Variants in CAMK1D observed in about 807,000 individuals in gnomAD.
The protein encoded by CAMK1D is calcium/calmodulin dependent protein kinase ID, also known as calcium/calmodulin-dependent protein kinase type 1D.
Under a neutral mutation model 47.7 loss-of-function variants are expected in CAMK1D, and 9 were observed. The ratio of observed to expected loss-of-function variants is 0.19; its 90% confidence interval spans 0.11 to 0.33. The LOEUF is 0.33. Among genes scored for constraint, CAMK1D ranks in the 10% least tolerant of loss-of-function variants. The pLI, the probability that CAMK1D is intolerant of heterozygous loss-of-function variation, is 1.00. For missense variants in CAMK1D, 291 were observed against 488.7 expected, an observed-to-expected ratio of 0.60 and a Z score of 3.81; for synonymous variants, 184 against 184.9, an observed-to-expected ratio of 0.99 and a Z score of 0.04.
chr10:12,585,510 G>A (rs1024089346), intron 2 of CAMK1D, among the ~76,000 whole-genome samples: 1 of 152,154 alleles, frequency 6.6e-6, no homozygotes, highest in East Asian at 1.9e-4. Context: ...AATTTATAAA[G>A]AAAAAGAGGT....
chr10:12,822,190 T>G (rs1419963791), intron 8 of CAMK1D, among the ~76,000 whole-genome samples: 2 of 152,192 alleles, frequency 1.3e-5, no homozygotes, highest in Non-Finnish European at 2.9e-5. Context: ...TGTCCGGATG[T>G]TACTATTGCA....
At chr10:12,402,456 T>A (rs1290066293) in intron 1 of CAMK1D, among the ~76,000 whole-genome samples, 1 of 152,210 alleles carries the variant, frequency 6.6e-6, no homozygotes, top group Admixed American at 6.5e-5. Context: ...AGTCTCAAAC[T>A]CCTGCTCTCA....
At chr10:12,570,609 G>A (rs58835623) in intron 2 of CAMK1D, among the ~76,000 whole-genome samples, 6,739 of 151,148 alleles carry the variant, frequency 0.045, 233 homozygotes, top group East Asian at 0.14. Flanking sequence ...GAACCCAGGA[G>A]GCAGAGGTTG....
intron 3 of CAMK1D, among the ~76,000 whole-genome samples, chr10:12,706,835 G>A (rs749347781): frequency 6.6e-6 from 1 of 152,048 alleles, no homozygotes; most frequent in Non-Finnish European, 1.5e-5. Context: ...CATCTGCTTT[G>A]TGCTGTGCTC....
chr10:12,737,821 A>G (rs376644487), intron 3 of CAMK1D, among the ~76,000 whole-genome samples: 2 of 152,360 alleles, frequency 1.3e-5, no homozygotes, highest in African/African-American at 4.8e-5. Flanking sequence ...TGCCTGTTGT[A>G]GCACCTAAAA....
chr10:12,695,539 G>A (rs1372982827), intron 3 of CAMK1D, among the ~76,000 whole-genome samples: 1 of 152,136 alleles, frequency 6.6e-6, no homozygotes, highest in Admixed American at 6.5e-5. Context: ...GGTCTCACGT[G>A]GTTAAGCATT....
At chr10:12,462,609 T>C (rs1347037830) in intron 1 of CAMK1D, among the ~76,000 whole-genome samples, 1 of 152,226 alleles carries the variant, frequency 6.6e-6, no homozygotes, top group Non-Finnish European at 1.5e-5. Context: ...TGTATATTGC[T>C]GTTAGCATGC....
At chr10:12,555,070 T>C (rs1836718617) in intron 2 of CAMK1D, among the ~76,000 whole-genome samples, 1 of 152,338 alleles carries the variant, frequency 6.6e-6, no homozygotes, top group Middle Eastern at 3.4e-3. Flanking sequence ...ATGTTGGAAA[T>C]ATCCTTGAAA....
chr10:12,537,590 G>A (rs1254062471), intron 1 of CAMK1D, among the ~76,000 whole-genome samples: 1 of 152,152 alleles, frequency 6.6e-6, no homozygotes, highest in Non-Finnish European at 1.5e-5. Flanking sequence ...ATGCTCGTTG[G>A]CCATTCTGTG....
At chr10:12,608,523 A>G (rs1393502260) in intron 2 of CAMK1D, among the ~76,000 whole-genome samples, 1 of 152,218 alleles carries the variant, frequency 6.6e-6, no homozygotes, top group East Asian at 1.9e-4. Context: ...TCCATGATGC[A>G]TTAATATTTG....
At chr10:12,698,893 G>A (rs1183250089) in intron 3 of CAMK1D, among the ~76,000 whole-genome samples, 1 of 151,852 alleles carries the variant, frequency 6.6e-6, no homozygotes, top group Non-Finnish European at 1.5e-5. Flanking sequence ...GGATGGTCTC[G>A]AGCTCTTGAC....
rs1554831760 is a variant in CAMK1D, at chr10:12,827,334, T to TTCCTTCCTTC, written c.1040-1435_1040-1434insTCCTTCCTTC. On this transcript the variant is annotated intron_variant, in intron 10 of 10. Coordinates refer to ENST00000619168, the MANE Select transcript of CAMK1D (RefSeq NM_153498.4). ...TTCTTTTCTTTCTTTCTCTCTCTTC[T>TTCCTTCCTTC]CTTCCTTCCTTCCTTCTTCCTTTCT... 4.1e-5 allele frequency among the ~76,000 whole-genome samples: 5 copies of TTCCTTCCTTC among 122,782 alleles called. No individual in the cohort carries two copies. The East Asian group carries it at 1.2e-3, about 30-fold the overall frequency. The allele number at this position is 122,782 out of a possible 152,430, so 80.5% of individuals were successfully genotyped here. A position where few individuals can be genotyped will look rare whatever the true frequency, so the allele number is the denominator to read the frequency against.
intron 1 of CAMK1D, among the ~76,000 whole-genome samples, chr10:12,457,779 CAAAAAA>C (rs5783269): frequency 1.4e-5 from 1 of 71,126 alleles, no homozygotes. Context: ...GACTCTGTCT[CAAAAAA>C]AAAAAAAAAA....
intron 1 of CAMK1D, among the ~76,000 whole-genome samples, chr10:12,475,541 G>A (rs765244743): frequency 4.6e-5 from 7 of 152,114 alleles, no homozygotes; most frequent in Admixed American, 2.0e-4. Flanking sequence ...ATGGGTACCC[G>A]GGTTGCTTCT....
chr10:12,540,010 C>T (rs1275900342), intron 1 of CAMK1D, among the ~76,000 whole-genome samples: 2 of 152,080 alleles, frequency 1.3e-5, no homozygotes, highest in Non-Finnish European at 2.9e-5. Flanking sequence ...AACTCCTGGG[C>T]TCAGGCGATC....
rs552936388 is a variant in CAMK1D, at chr10:12,382,132, C to A, written c.92+32222C>A. On this transcript the variant is annotated intron_variant, in intron 1 of 10. Transcript: ENST00000619168. ...TCAAGTATGTCATTTTGCTTAAAGTCAATTTCCAAGAACTGACTGGACATT... is the reference window on the plus strand; with the variant it reads ...TCAAGTATGTCATTTTGCTTAAAGTAAATTTCCAAGAACTGACTGGACATT... Among the ~76,000 whole-genome samples the A allele has an allele frequency of 3.3e-5, 5 of 152,258 alleles. No homozygotes were observed. The South Asian group carries it at 1.0e-3, about 32-fold the overall frequency.
chr10:12,751,729 C>G (rs984022792), intron 3 of CAMK1D, among the ~76,000 whole-genome samples: 1 of 152,112 alleles, frequency 6.6e-6, no homozygotes, highest in Non-Finnish European at 1.5e-5. Context: ...GCGATGAGTA[C>G]GGGTAGAAAG....
chr10:12,520,921 AGG>A (rs1564387846), intron 1 of CAMK1D, among the ~76,000 whole-genome samples: 7 of 17,968 alleles, frequency 3.9e-4, no homozygotes, highest in South Asian at 5.0e-3. Context: ...AGACCGTGGA[AGG>A]AGACCGTGGG....
intron 1 of CAMK1D, among the ~76,000 whole-genome samples, chr10:12,517,678 A>G (rs1835251173): frequency 6.6e-6 from 1 of 152,158 alleles, no homozygotes; most frequent in Admixed American, 6.5e-5. Flanking sequence ...ATATCGGTTG[A>G]TTTTTGAATG....
Sources: allele counts gnomAD v4.1 joint callset (sites outside exome capture counted in the v4.1 genomes callset), GRCh38; gene constraint gnomAD v4.1.1; transcripts MANE v1.5; gene names NCBI Gene and HGNC (gene_info 2026-07-23, HGNC 2026-07-21).